The following FBLN1 variants were observed in gnomAD, a reference collection of about 807,000 sequenced individuals.
FBLN1 encodes the protein fibulin 1, also known as fibulin-1.
A neutral mutation model predicts 89.7 loss-of-function variants in FBLN1; 34 were observed. The observed-to-expected ratio is 0.38, with a 90% CI of 0.29 to 0.50. FBLN1 has a LOEUF of 0.50. FBLN1 is among the 20% of genes least tolerant of loss of function. The pLI is 0.92. For synonymous variants in FBLN1, 393 were observed against 391.3 expected, an observed-to-expected ratio of 1.00 and a Z score of -0.05; for missense variants, 777 against 988.1, an observed-to-expected ratio of 0.79 and a Z score of 2.86.
chr22:45,527,774 C>G (rs2088348888), intron 3 of FBLN1, 73 bp from the exon 4 acceptor site: 1 of 1,520,432 alleles, frequency 6.6e-7, no homozygotes, highest in African/African-American at 1.4e-5. Flanking sequence ...AGAGGCCTCC[C>G]CTGAGGCCTC....
chr22:45,525,928 G>C (rs968476479), intron 3 of FBLN1, among the ~76,000 whole-genome samples: 12 of 152,218 alleles, frequency 7.9e-5, no homozygotes, highest in Admixed American at 7.9e-4. Context: ...AAGTGAGCTG[G>C]CCTTGCCCTG....
rs1920926403 is a variant in FBLN1 at position 45,600,872 on chromosome 22, A to G, written c.*426A>G. ...TGGCCAATCAGATTTTCTATGTTCT[A>G]AGGACATGGCTGCTGTAGAATAGCA... On this transcript the variant is annotated 3_prime_UTR_variant, in exon 17 of 17. Transcript: ENST00000327858. The G allele has an allele frequency of 3.3e-6, 1 of 299,114 alleles. No homozygotes were observed. Among genetic ancestry groups the G allele is most frequent in the South Asian group, 3.2e-5 (1 of 30,982 alleles). 18.5% of individuals were successfully genotyped at this position (299,114 alleles called of 1,614,324 possible).
At chr22:45,599,280 C>T (rs1199062028) in intron 16 of FBLN1, among the ~76,000 whole-genome samples, 4 of 152,200 alleles carry the variant, frequency 2.6e-5, no homozygotes, top group Non-Finnish European at 4.4e-5. Flanking sequence ...CACCCATCCT[C>T]CTTTTGACTG....
In FBLN1 at chr22:45,547,663, T is replaced by C. The variant is rs2088649802; in HGVS notation, c.1441+459T>C. 2.0e-5 allele frequency among the ~76,000 whole-genome samples: 3 copies of C among 151,910 alleles called. No individual in the cohort carries two copies. In the South Asian group the frequency reaches 6.2e-4, roughly 32 times the overall value. ...GATCCTCTTGCTTCAGCCTCCCAAATTGCTGGGATTACAGGCATGAGCCAC... is the reference window on the plus strand; with the variant it reads ...GATCCTCTTGCTTCAGCCTCCCAAACTGCTGGGATTACAGGCATGAGCCAC... On this transcript the variant is annotated intron_variant, in intron 12 of 16. Coordinates refer to ENST00000327858, the MANE Select transcript of FBLN1 (RefSeq NM_006486.3).
chr22:45,503,207 C>G, intron 1 of FBLN1, 143 bp downstream of exon 1: 29 of 178,846 alleles, frequency 1.6e-4, no homozygotes, highest in Non-Finnish European at 2.7e-4. Context: ...GCCGAGGCCT[C>G]GGCGACGCCC....
At chr22:45,558,134 A>G (rs2088811508) in intron 14 of FBLN1, 2 of 715,580 alleles carry the variant, frequency 2.8e-6, no homozygotes, top group Admixed American at 2.0e-5. Flanking sequence ...GCAAGTTGGC[A>G]GGAGTGGAGA....
chr22:45,568,072 G>C (rs772986067), intron 14 of FBLN1, among the ~76,000 whole-genome samples: 1 of 152,176 alleles, frequency 6.6e-6, no homozygotes, highest in Non-Finnish European at 1.5e-5. Context: ...AACAGAAATT[G>C]TGTAGAAAAG....
rs140013787 is a variant in FBLN1, at chr22:45,575,832, AC to A, written c.1841-1143del. On this transcript the variant is annotated intron_variant, in intron 15 of 16. Coordinates refer to ENST00000327858, the MANE Select transcript of FBLN1 (RefSeq NM_006486.3). The surrounding 1 kb of genome is among the most constrained non-coding windows in gnomAD (Gnocchi z 6.3). The stretch of plus-strand genomic sequence containing the variant: ...GTGCTGCCCGTGTGCCCGGTCCCCA[AC>A]CACCCCCGCCCTCTAGGGAGTCCCT... Among the ~76,000 whole-genome samples, 555 of 152,218 alleles carry A rather than the reference AC, an allele frequency of 3.6e-3. 2 individuals are homozygous for A. The highest frequency in any genetic ancestry group is 0.013 in the African/African-American group (520 of 41,542).
rs1280981780 is a variant in FBLN1 at position 45,583,727 on chromosome 22, TC to T, written c.1972+6621del. ...ACAGAAGCAGCTAGTTACTCACAGG[TC>T]CTAGAGAGGTGGGGAGCACCCCTTG... On this transcript the variant is annotated intron_variant, in intron 16 of 16. Transcript: ENST00000327858. This position sits in a 1 kb window ranked among gnomAD's most constrained non-coding sequence, Gnocchi z 4.5. Among the ~76,000 whole-genome samples the T allele has an allele frequency of 6.6e-6, 1 of 151,978 alleles. No individual in the cohort carries two copies. The highest frequency in any genetic ancestry group is 1.5e-5 in the Non-Finnish European group (1 of 67,988).
rs144410933 is a variant in FBLN1 at position 45,527,903 on chromosome 22, C to T, written c.378C>T (p.Cys126=). The change falls in exon 4 of 17, where the codon TGC becomes TGT. Residue 126 remains cysteine, a synonymous_variant. Coordinates refer to ENST00000327858, the MANE Select transcript of FBLN1 (RefSeq NM_006486.3). ...CGGCCCAGGCCCAGGGCCAGAGCTGCGAGTACAGCCTCATGGTTGGCTACC... is the reference window on the plus strand; with the variant it reads ...CGGCCCAGGCCCAGGGCCAGAGCTGTGAGTACAGCCTCATGGTTGGCTACC... ...GRAAQAQGQS[C]EYSLMVGYQC... is the part of the protein sequence containing the mutation. 3.8e-5 allele frequency: 61 copies of T among 1,614,138 alleles called. No homozygotes were observed. The highest frequency in any genetic ancestry group is 1.8e-4 in the Admixed American group (11 of 60,024).
chr22:45,594,431 T>C (rs1337379569), intron 16 of FBLN1, among the ~76,000 whole-genome samples: 1 of 152,186 alleles, frequency 6.6e-6, no homozygotes, highest in East Asian at 1.9e-4. Context: ...TGAAACTTCA[T>C]ATTTTTGGGC....
rs145433026 is a variant in FBLN1, at chr22:45,510,225, G to A, written c.79+7161G>A. Among the ~76,000 whole-genome samples the A allele has an allele frequency of 3.9e-3, 592 of 152,216 alleles. 2 individuals carry two copies. Among genetic ancestry groups the A allele is most frequent in the African/African-American group, 0.013 (552 of 41,534 alleles). On this transcript the variant is annotated intron_variant, in intron 1 of 16. Coordinates refer to ENST00000327858, the MANE Select transcript of FBLN1 (RefSeq NM_006486.3). ...AATGCCCCGGATTTTGGAAGGACGCGGTCTCACAATAAAAGACAGTATTGT... is the reference window on the plus strand; with the variant it reads ...AATGCCCCGGATTTTGGAAGGACGCAGTCTCACAATAAAAGACAGTATTGT...
intron 1 of FBLN1, among the ~76,000 whole-genome samples, chr22:45,509,640 G>A (rs540665411): frequency 2.6e-5 from 4 of 152,242 alleles, no homozygotes; most frequent in Admixed American, 2.0e-4. Context: ...GTAAAACTCC[G>A]TCTCTACTAA....
Position 45,518,715 on chromosome 22 carries a change from C to G in FBLN1, c.113C>G (p.Ala38Gly), listed in dbSNP as rs202203586. ...GATGTCCTCCTGGAGGCCTGCTGTG[C>G]GGACGGACACCGGATGGCCACTCAT... ...DADVLLEACC[A>G]DGHRMATHQK... The change falls in exon 2 of 17, where the codon GCG becomes GGG. Residue 38 changes from alanine to glycine, a missense_variant. Physicochemically the swap from Ala to Gly is moderately conservative, Grantham distance 60. Transcript: ENST00000327858. The G allele has an allele frequency of 1.2e-6, 2 of 1,611,168 alleles. No homozygotes were observed. Among genetic ancestry groups the G allele is most frequent in the Non-Finnish European group, 1.7e-6 (2 of 1,178,794 alleles).
chr22:45,563,621 G>A lies in FBLN1; in HGVS notation c.1698-10890G>A, dbSNP rs757497411. On this transcript the variant is annotated intron_variant, in intron 14 of 16. Coordinates refer to ENST00000327858, the MANE Select transcript of FBLN1 (RefSeq NM_006486.3). The surrounding 1 kb of genome is among the most constrained non-coding windows in gnomAD (Gnocchi z 5.7). ...GAACCCAAAGAATAAAGGTGGTGGT[G>A]GAGAAGGGCCCTCAGATTGCTGAGC... Among the ~76,000 whole-genome samples the A allele has an allele frequency of 6.6e-6, 1 of 152,202 alleles. No individual in the cohort carries two copies. The highest frequency in any genetic ancestry group is 1.5e-5 in the Non-Finnish European group (1 of 68,038).
At chr22:45,527,757 G>A in intron 3 of FBLN1, 90 bp from the exon 4 acceptor site, 1 of 1,350,792 alleles carries the variant, frequency 7.4e-7, no homozygotes, top group South Asian at 1.2e-5. Context: ...GTGGACAGGG[G>A]GCTCAGAGAG....
intron 1 of FBLN1, among the ~76,000 whole-genome samples, chr22:45,506,021 G>A (rs1387484533): frequency 1.3e-5 from 2 of 152,150 alleles, no homozygotes; most frequent in African/African-American, 2.4e-5. Context: ...CACCTACCTC[G>A]GCCTCCCAAA....
chr22:45,523,709 C>T (rs2088282273), intron 2 of FBLN1, among the ~76,000 whole-genome samples: 1 of 152,016 alleles, frequency 6.6e-6, no homozygotes, highest in Non-Finnish European at 1.5e-5. Context: ...ATCTCAAAAA[C>T]AAAACAAAAC....
chr22:45,577,706 T>A lies in FBLN1; in HGVS notation c.1972+598T>A, dbSNP rs1315755310. On this transcript the variant is annotated intron_variant, in intron 16 of 16. Coordinates refer to ENST00000327858, the MANE Select transcript of FBLN1 (RefSeq NM_006486.3). The surrounding 1 kb of genome is among the most constrained non-coding windows in gnomAD (Gnocchi z 6.6). ...GCTCACTGCTCTTTCTCCCTGGAGA[T>A]CCGGTGTTTGGGGAGCGTGAAGGGA... Among the ~76,000 whole-genome samples, 1 of 152,126 alleles carries A rather than the reference T, an allele frequency of 6.6e-6. No individual in the cohort carries two copies. Among genetic ancestry groups the A allele is most frequent in the Non-Finnish European group, 1.5e-5 (1 of 68,020 alleles).
Sources: gnomAD v4.1 joint callset for allele counts (sites outside exome capture counted in the v4.1 genomes callset) on GRCh38, gnomAD v4.1.1 for gene constraint, Gnocchi (gnomAD v3.1) non-coding constraint, MANE v1.5 for transcripts, NCBI Gene and HGNC (gene_info 2026-07-23, HGNC 2026-07-21) for gene names.